DDX39A: variants seen among roughly 807,000 people sequenced by gnomAD.
DDX39A encodes DExD-box helicase 39A.
In DDX39A, 13 loss-of-function variants were observed where a neutral mutation model predicts 46.3. The observed-to-expected ratio is 0.28, with a 90% confidence interval of 0.18 to 0.45. The LOEUF (loss-of-function observed/expected upper bound fraction) is 0.45. DDX39A is among the 20% of genes least tolerant of loss of function. DDX39A has a pLI of 1.00. For missense variants in DDX39A, 352 were observed against 581.8 expected (o/e 0.61, Z 4.06); for synonymous variants, 234 against 224.6 (o/e 1.04, Z -0.38).
intron 1 of DDX39A, 62 bp downstream of exon 1, chr19:14,419,208 C>T: frequency 3.0e-6 from 1 of 331,234 alleles, no homozygotes; most frequent in Non-Finnish European, 6.0e-6. Context: ...CTCCCCTCGT[C>T]CTCTCGCTCT....
At chr19:14,419,027 G>C in intron 1 of DDX39A, 1 of 454,864 alleles carries the variant, frequency 2.2e-6, no homozygotes, top group Non-Finnish European at 4.4e-6. Context: ...GGCCATGACA[G>C]CCCCTCCGAG....
rs1212674010 is a variant in DDX39A, at chr19:14,409,212, CCA to C, written c.1120-30_1120-29del. The C allele has an allele frequency of 1.9e-6, 3 of 1,613,930 alleles. No individual in the cohort carries two copies. The African/African-American group carries it at 4.0e-5, about 22-fold the overall frequency. ...GCAGGCAGACAGGATCAGGGTCAGGCCACAGATACTACCTCAGGACTTGAGGA... is the reference window on the plus strand; with the variant it reads ...GCAGGCAGACAGGATCAGGGTCAGGCCAGATACTACCTCAGGACTTGAGGA... On this transcript the variant is annotated intron_variant, in intron 9 of 10. Coordinates refer to ENST00000242776, the MANE Select transcript of DDX39A (RefSeq NM_005804.4). This position sits in a 1 kb window ranked among gnomAD's most constrained non-coding sequence, Gnocchi z 8.3.
In DDX39A at chr19:14,410,496, G is replaced by A; in HGVS notation, c.614-162C>T. ...AGTGGCCAGTCCTGGTGCCTGAGGG[G>A]CTGGGGGGTGGCCAGCGAGCGCAGG... is the stretch of plus-strand genomic sequence containing the variant. On this transcript the variant is annotated intron_variant, in intron 5 of 10. Coordinates refer to ENST00000242776, the MANE Select transcript of DDX39A (RefSeq NM_005804.4). This position sits in a 1 kb window ranked among gnomAD's most constrained non-coding sequence, Gnocchi z 4.3. 1.5e-6 allele frequency: 1 copy of A among 654,500 alleles called. No individual in the cohort carries two copies. Among genetic ancestry groups the A allele is most frequent in the East Asian group, 2.7e-5 (1 of 36,826 alleles). 40.5% of individuals were successfully genotyped at this position (654,500 alleles called of 1,614,324 possible).
At chr19:14,415,199 G>A (rs958325443) in intron 1 of DDX39A, among the ~76,000 whole-genome samples, 2 of 152,078 alleles carry the variant, frequency 1.3e-5, no homozygotes, top group South Asian at 2.1e-4. Flanking sequence ...TGTTGTTGTG[G>A]ACATTTCACA....
At position 14,410,175 on chromosome 19, in the gene DDX39A, C is replaced by T. The variant is rs772075385; in HGVS notation, c.732+41G>A. 8 of 1,573,474 alleles carry T rather than the reference C, an allele frequency of 5.1e-6. No homozygotes were observed. The highest frequency in any genetic ancestry group is 7.0e-6 in the Non-Finnish European group (8 of 1,144,286). On this transcript the variant is annotated intron_variant, in intron 6 of 10. Transcript: ENST00000242776. The surrounding 1 kb of genome is among the most constrained non-coding windows in gnomAD (Gnocchi z 4.3). Reference sequence around the variant, plus strand: ...GTGTCCTGGGGCCCCAGGCTCCAGGCCCCTGGGGAAGGCCAAAGCTGCCAC... The same window carrying T: ...GTGTCCTGGGGCCCCAGGCTCCAGGTCCCTGGGGAAGGCCAAAGCTGCCAC...
chr19:14,410,202 C>T lies in DDX39A; in HGVS notation c.732+14G>A. The stretch of plus-strand genomic sequence containing the variant: ...CCTGGGGAAGGCCAAAGCTGCCACT[C>T]TCGCCCTACTCACATCCTGCATGAA... On this transcript the variant is annotated intron_variant, in intron 6 of 10. Transcript: ENST00000242776. This position sits in a 1 kb window ranked among gnomAD's most constrained non-coding sequence, Gnocchi z 4.3. The T allele has an allele frequency of 6.2e-7, 1 of 1,611,720 alleles. No individual in the cohort carries two copies. Among genetic ancestry groups the T allele is most frequent in the Non-Finnish European group, 8.5e-7 (1 of 1,177,956 alleles).
intron 1 of DDX39A, chr19:14,413,995 A>C (rs1378808757): frequency 6.6e-6 from 1 of 152,222 alleles, no homozygotes; most frequent in Non-Finnish European, 1.5e-5. Context: ...TGCTTTATTA[A>C]TCTAATGCAT....
chr19:14,416,884 C>A (rs181475163), intron 1 of DDX39A, among the ~76,000 whole-genome samples: 9 of 152,174 alleles, frequency 5.9e-5, no homozygotes, highest in Admixed American at 1.3e-4. Flanking sequence ...TGTTTCACCA[C>A]GTTTCCCAGG....
intron 1 of DDX39A, among the ~76,000 whole-genome samples, chr19:14,414,514 C>G (rs1401121800): frequency 6.7e-6 from 1 of 149,888 alleles, no homozygotes; most frequent in African/African-American, 2.4e-5. Context: ...CCATGCCCAG[C>G]TAATTTTTGT....
intron 1 of DDX39A, among the ~76,000 whole-genome samples, chr19:14,417,315 T>C (rs1976847272): frequency 2.0e-5 from 3 of 151,730 alleles, no homozygotes; most frequent in Admixed American, 2.0e-4. Flanking sequence ...GTTGTTTTGT[T>C]GGTGGGGAAA....
In DDX39A at chr19:14,412,275, A is replaced by G; in HGVS notation, c.336+276T>C. The G allele has an allele frequency of 2.6e-6, 1 of 384,872 alleles. No individual in the cohort carries two copies. Among genetic ancestry groups the G allele is most frequent in the East Asian group, 5.2e-5 (1 of 19,214 alleles). The allele number at this position is 384,872 out of a possible 1,614,324, so 23.8% of individuals were successfully genotyped here. On this transcript the variant is annotated intron_variant, in intron 3 of 10. Transcript: ENST00000242776. The surrounding 1 kb of genome is among the most constrained non-coding windows in gnomAD (Gnocchi z 4.4). ...CAACGATGCCTCTGGGGCAAGGGGC[A>G]AACTGTGGGCACTTTCCAGTTATTT...
At position 14,410,244 on chromosome 19, in the gene DDX39A, C is replaced by T; in HGVS notation, c.704G>A (p.Arg235Gln). The T allele has an allele frequency of 1.9e-6, 3 of 1,614,140 alleles. No homozygotes were observed. Among genetic ancestry groups the T allele is most frequent in the African/African-American group, 1.3e-5 (1 of 75,060 alleles). ...MFSATLSKDI[R>Q]PVCRKFMQDP... ...CTGCATGAACTTCCTGCACACAGGC[C>T]GGATGTCCTTGCTCAGGGTGGCGCT... is the stretch of plus-strand genomic sequence containing the variant. Residue 235 changes from arginine (R) to glutamine (Q), a missense_variant, in exon 6 of 11, where the codon CGG (arginine) becomes CAG (glutamine). By Grantham distance (43) the Arg-to-Gln change is conservative. Around this residue, in one of 3 missense-constraint regions of DDX39A, gnomAD observed 301 missense variants for 469.9 expected, o/e 0.64. Coordinates refer to ENST00000242776, the MANE Select transcript of DDX39A (RefSeq NM_005804.4). This position sits in a 1 kb window ranked among gnomAD's most constrained non-coding sequence, Gnocchi z 4.3.
chr19:14,416,686 GTTTGTTTT>G (rs1315478059), intron 1 of DDX39A, among the ~76,000 whole-genome samples: 4 of 152,100 alleles, frequency 2.6e-5, no homozygotes, highest in Non-Finnish European at 4.4e-5. Context: ...GTGTTTGTTT[GTTTGTTTT>G]TTTGTTTTTT....
rs1599642033 is a variant in DDX39A at position 14,409,892 on chromosome 19, G to T, written c.733-19C>A. The T allele has an allele frequency of 6.2e-7, 1 of 1,612,978 alleles. No homozygotes were observed. Among genetic ancestry groups the T allele is most frequent in the South Asian group, 1.1e-5 (1 of 91,030 alleles). On this transcript the variant is annotated intron_variant, in intron 6 of 10. Coordinates refer to ENST00000242776, the MANE Select transcript of DDX39A (RefSeq NM_005804.4). The surrounding 1 kb of genome is among the most constrained non-coding windows in gnomAD (Gnocchi z 8.3). ...CCATGGGCTGTGTGGGAAGGGAGGTGGGAGGGGCGGGCAGGGATCACCTCT... is the reference window on the plus strand; with the variant it reads ...CCATGGGCTGTGTGGGAAGGGAGGTTGGAGGGGCGGGCAGGGATCACCTCT...
In DDX39A at chr19:14,409,396, G is replaced by A; in HGVS notation, c.1026C>T (p.Ala342=). 6.2e-7 allele frequency: 1 copy of A among 1,614,212 alleles called. No homozygotes were observed. The highest frequency in any genetic ancestry group is 8.5e-7 in the Non-Finnish European group (1 of 1,180,042). Reference sequence around the variant, plus strand: ...CCATCCCCCGGCCAAACAGATTGGTGGCCACCAGGATCCGCCGCTGGAAAT... The same window carrying A: ...CCATCCCCCGGCCAAACAGATTGGTAGCCACCAGGATCCGCCGCTGGAAAT... ...FKDFQRRILV[A]TNLFGRGMDI... Residue 342 remains alanine (A), a synonymous_variant, in exon 9 of 11, where the codon GCC becomes GCT. Transcript: ENST00000242776. The surrounding 1 kb of genome is among the most constrained non-coding windows in gnomAD (Gnocchi z 8.3).
chr19:14,409,146 G>T lies in DDX39A; in HGVS notation c.1158C>A (p.Ala386=). 1 of 1,614,168 alleles carries T rather than the reference G, an allele frequency of 6.2e-7. No homozygotes were observed. The highest frequency in any genetic ancestry group is 1.3e-5 in the African/African-American group (1 of 75,034). Residue 386 remains alanine (A), a synonymous_variant, in exon 10 of 11, where the codon GCC becomes GCA. Coordinates refer to ENST00000242776, the MANE Select transcript of DDX39A (RefSeq NM_005804.4). The surrounding 1 kb of genome is among the most constrained non-coding windows in gnomAD (Gnocchi z 8.3). The part of the protein sequence containing the change: ...RAGRFGTKGL[A]ITFVSDENDA... ...CATTCTCGTCAGACACAAAAGTGAT[G>T]GCTAGGCCTTTGGTGCCAAAGCGAC... is the stretch of plus-strand genomic sequence containing the variant.
Position 14,413,041 on chromosome 19 carries a change from C to T in DDX39A, c.180G>A (p.Val60=). 5 of 1,614,192 alleles carry T rather than the reference C, an allele frequency of 3.1e-6. No homozygotes were observed. The highest frequency in any genetic ancestry group is 4.2e-6 in the Non-Finnish European group (5 of 1,180,028). The change falls in exon 2 of 11, where the codon GTG becomes GTA. Residue 60 remains valine (V), a synonymous_variant. Transcript: ENST00000242776. The part of the protein sequence containing the change: ...LLKPELLRAI[V]DCGFEHPSEV... Reference sequence around the variant, plus strand: ...CAGAAGGATGCTCAAAGCCACAGTCCACGATGGCCCGCAGGAGCTCCGGCT... The same window carrying T: ...CAGAAGGATGCTCAAAGCCACAGTCTACGATGGCCCGCAGGAGCTCCGGCT...
chr19:14,415,186 G>C (rs1159767065), intron 1 of DDX39A, among the ~76,000 whole-genome samples: 1 of 152,044 alleles, frequency 6.6e-6, no homozygotes, highest in Admixed American at 6.6e-5. Flanking sequence ...CTATGGATTT[G>C]CCTGTTGTTG....
intron 1 of DDX39A, 143 bp downstream of exon 1, chr19:14,419,127 C>G (rs1456103137): frequency 5.4e-6 from 2 of 373,798 alleles, no homozygotes; most frequent in Non-Finnish European, 1.1e-5. Flanking sequence ...ACACACAGCG[C>G]TCTGACACAC....
Sources: gnomAD v4.1 joint callset for allele counts (sites outside exome capture counted in the v4.1 genomes callset) on GRCh38, gnomAD v4.1.1 for gene constraint, gnomAD v4.1.1 regional missense constraint, Gnocchi (gnomAD v3.1) non-coding constraint, MANE v1.5 for transcripts, NCBI Gene and HGNC (gene_info 2026-07-23, HGNC 2026-07-21) for gene names.